Variants in EDRF1 observed in about 807,000 individuals in gnomAD.
EDRF1 encodes the protein erythroid differentiation-related factor 1.
EDRF1 carries 69 observed loss-of-function variants against 148.7 expected under a neutral mutation model. The observed-to-expected ratio is 0.46, with a 90% CI of 0.38 to 0.57. The LOEUF is 0.57. Among genes scored for constraint, EDRF1 ranks in the 20% least tolerant of loss-of-function variants. The probability of loss-of-function intolerance (pLI) is 0.00; values close to 1 mark genes in which losing one functional copy is unlikely to be tolerated. For synonymous variants in EDRF1, 515 were observed against 532.8 expected (o/e 0.97, Z 0.46); for missense variants, 1,118 against 1,478.7 (o/e 0.76, Z 4.00).
intron 22 of EDRF1, among the ~76,000 whole-genome samples, chr10:125,752,359 A>G (rs934608044): frequency 1.3e-5 from 2 of 152,270 alleles, no homozygotes; most frequent in African/African-American, 2.4e-5. Flanking sequence ...AGAAGGCTCT[A>G]GAATAAAACA....
At chr10:125,752,340 A>T (rs1280610767) in intron 22 of EDRF1, among the ~76,000 whole-genome samples, 2 of 152,228 alleles carry the variant, frequency 1.3e-5, no homozygotes, top group Non-Finnish European at 2.9e-5. Context: ...CTCTAGAAAA[A>T]TTGTAGTTAG....
chr10:125,749,814 GA>G (rs960871880), intron 22 of EDRF1: 15 of 483,480 alleles, frequency 3.1e-5, no homozygotes, highest in Non-Finnish European at 4.9e-5. Flanking sequence ...CCCTAGTTTG[GA>G]AAAAAAATTG....
chr10:125,742,946 T>TA, intron 17 of EDRF1, 112 bp from the exon 18 acceptor site: 1 of 1,501,302 alleles, frequency 6.7e-7, no homozygotes, highest in African/African-American at 1.4e-5. Flanking sequence ...TTGGTATACT[T>TA]ACACTATATT....
chr10:125,752,933 T>A lies in EDRF1; in HGVS notation c.3393+19T>A. On this transcript the variant is annotated intron_variant, in intron 23 of 24. Transcript: ENST00000356792. The stretch of plus-strand genomic sequence containing the variant: ...TGGCCAGGTACATGGAGAAAATGAC[T>A]GTCTTTGGTTTTTGTGTGTCTTAAG... 6.4e-7 allele frequency: 1 copy of A among 1,571,834 alleles called. No homozygotes were observed. The highest frequency in any genetic ancestry group is 8.8e-7 in the Non-Finnish European group (1 of 1,142,236).
intron 8 of EDRF1, 145 bp from the exon 9 acceptor site, chr10:125,730,143 A>G (rs1848428071): frequency 7.7e-6 from 5 of 648,496 alleles, no homozygotes; most frequent in Non-Finnish European, 1.4e-5. Flanking sequence ...CTGCATGTGC[A>G]TATCTTATCA....
chr10:125,755,415 A>T (rs1355870268), intron 24 of EDRF1, among the ~76,000 whole-genome samples: 2 of 152,190 alleles, frequency 1.3e-5, no homozygotes, highest in South Asian at 2.1e-4. Context: ...TTTGTTGATA[A>T]TTTTTGTGTC....
chr10:125,746,947 T>G (rs1849386250), intron 19 of EDRF1: 1 of 154,050 alleles, frequency 6.5e-6, no homozygotes, highest in Non-Finnish European at 1.4e-5. Context: ...TAAATGACAT[T>G]AGTGAAGAAT....
intron 10 of EDRF1, 37 bp downstream of exon 10, chr10:125,733,588 A>T: frequency 2.5e-6 from 4 of 1,609,816 alleles, no homozygotes; most frequent in Non-Finnish European, 3.4e-6. Context: ...ACAATAATTG[A>T]TTTGGGTAAC....
At chr10:125,754,692 G>A (rs1464303366) in intron 24 of EDRF1, among the ~76,000 whole-genome samples, 1 of 152,178 alleles carries the variant, frequency 6.6e-6, no homozygotes, top group Non-Finnish European at 1.5e-5. Flanking sequence ...TGAAATTTCA[G>A]TAGTAAGTAC....
chr10:125,752,357 C>T (rs945544659), intron 22 of EDRF1, among the ~76,000 whole-genome samples: 4 of 152,224 alleles, frequency 2.6e-5, no homozygotes, highest in Admixed American at 2.0e-4. Context: ...TTAGAAGGCT[C>T]TAGAATAAAA....
chr10:125,743,685 A>G (rs1406898243), intron 18 of EDRF1, among the ~76,000 whole-genome samples: 2 of 152,130 alleles, frequency 1.3e-5, no homozygotes, highest in Non-Finnish European at 2.9e-5. Flanking sequence ...ACATTTATGG[A>G]GGTTATAAGT....
intron 7 of EDRF1, 83 bp downstream of exon 7, chr10:125,729,187 A>AG: frequency 6.8e-7 from 1 of 1,465,574 alleles, no homozygotes; most frequent in Non-Finnish European, 9.2e-7. Flanking sequence ...CGAAATTGAT[A>AG]GGGAAAAACT....
At chr10:125,734,391 G>A (rs1398585679) in intron 12 of EDRF1, among the ~76,000 whole-genome samples, 1 of 152,104 alleles carries the variant, frequency 6.6e-6, no homozygotes, top group Non-Finnish European at 1.5e-5. Flanking sequence ...GAATTTTGAA[G>A]ATTGGATGTC....
At chr10:125,735,014 A>G (rs1848657381) in intron 12 of EDRF1, among the ~76,000 whole-genome samples, 1 of 152,178 alleles carries the variant, frequency 6.6e-6, no homozygotes, top group African/African-American at 2.4e-5. Flanking sequence ...GAAATACCTA[A>G]TTGCTGACTG....
chr10:125,734,007 C>T, intron 11 of EDRF1, 65 bp from the exon 12 acceptor site: 1 of 1,308,558 alleles, frequency 7.6e-7, no homozygotes, highest in East Asian at 2.3e-5. Flanking sequence ...AAGAGCACTC[C>T]TAGACTTGAG....
At position 125,760,939 on chromosome 10, in the gene EDRF1, T is replaced by G. The variant is rs181970709; in HGVS notation, c.3546-2362T>G. Among the ~76,000 whole-genome samples, 596 of 152,376 alleles carry G rather than the reference T, an allele frequency of 3.9e-3. 1 individual carries two copies. Among genetic ancestry groups the G allele is most frequent in the Non-Finnish European group, 6.9e-3 (472 of 68,036 alleles). On this transcript the variant is annotated intron_variant, in intron 24 of 24. Coordinates refer to ENST00000356792, the MANE Select transcript of EDRF1 (RefSeq NM_001202438.2). The stretch of plus-strand genomic sequence containing the variant: ...AGTTGATTTAAAGTATATAGGAAGA[T>G]GTACACAGCCTAAATGCAAATGCTG...
chr10:125,725,974 C>T lies in EDRF1; in HGVS notation c.792+136C>T, dbSNP rs987689779. The T allele has an allele frequency of 6.0e-6, 6 of 1,003,040 alleles. No homozygotes were observed. The Admixed American group carries it at 1.0e-4, about 17-fold the overall frequency. 62.1% of individuals were successfully genotyped at this position (1,003,040 alleles called of 1,614,324 possible). ...TTATGGAATGGGGGAAAAAAGACTT[C>T]TGTCAATTTATGGAATTGGAGAAAT... On this transcript the variant is annotated intron_variant, in intron 6 of 24. Coordinates refer to ENST00000356792, the MANE Select transcript of EDRF1 (RefSeq NM_001202438.2).
rs757732344 is a variant in EDRF1 at position 125,734,079 on chromosome 10, T to G, written c.1393T>G (p.Cys465Gly). ...TATAAACTCTTTTTTTAGGGTTGCT[T>G]GCAACATGATGATGAAGAAGAATCA... ...PVAILLYKVA[C>G]NMMMKKNQNK... Residue 465 changes from cysteine to glycine, a missense_variant, in exon 12 of 25, where the codon TGC becomes GGC. Coordinates refer to ENST00000356792, the MANE Select transcript of EDRF1 (RefSeq NM_001202438.2). 1 of 1,612,684 alleles carries G rather than the reference T, an allele frequency of 6.2e-7. No homozygotes were observed. The highest frequency in any genetic ancestry group is 2.2e-5 in the East Asian group (1 of 44,840).
chr10:125,725,523 AT>A (rs1848216368), intron 5 of EDRF1, 81 bp downstream of exon 5: 1 of 1,593,896 alleles, frequency 6.3e-7, no homozygotes, highest in Non-Finnish European at 8.6e-7. Flanking sequence ...TGAAGTTATA[AT>A]TTAAGTTTTG....
Sources: gnomAD v4.1 joint callset for allele counts (sites outside exome capture counted in the v4.1 genomes callset) on GRCh38, gnomAD v4.1.1 for gene constraint, MANE v1.5 for transcripts, NCBI Gene and HGNC (gene_info 2026-07-23, HGNC 2026-07-21) for gene names.